The following DENND5B variants were observed in gnomAD, a reference collection of about 807,000 sequenced individuals.
The protein encoded by DENND5B is DENN domain containing 5B.
In DENND5B, 34 loss-of-function variants were observed where a neutral mutation model predicts 140.6. The ratio of observed to expected loss-of-function variants is 0.24; its 90% confidence interval spans 0.18 to 0.32. The LOEUF (loss-of-function observed/expected upper bound fraction) is 0.32, where lower values mean the gene tolerates loss of function less well. Ranked by LOEUF, DENND5B falls within the 10% of genes least tolerant of loss-of-function variation. The pLI, the probability that DENND5B is intolerant of heterozygous loss-of-function variation, is 1.00. For missense variants in DENND5B, 1,142 were observed against 1,560.2 expected (o/e 0.73, Z 4.52); for synonymous variants, 551 against 562.1 (o/e 0.98, Z 0.28).
intron 6 of DENND5B, chr12:31,444,203 T>C (rs1401874948): frequency 1.3e-5 from 2 of 152,298 alleles, no homozygotes; most frequent in Non-Finnish European, 2.9e-5. Context: ...ATTTTGTGAT[T>C]TAAGAGAAGA....
intron 1 of DENND5B, among the ~76,000 whole-genome samples, chr12:31,505,252 T>G (rs1947153626): frequency 6.6e-6 from 1 of 151,556 alleles, no homozygotes; most frequent in Non-Finnish European, 1.5e-5. Context: ...TTTTTTTTTT[T>G]TTTTGAGACA....
At chr12:31,492,938 T>C (rs1260301198) in intron 2 of DENND5B, among the ~76,000 whole-genome samples, 1 of 152,182 alleles carries the variant, frequency 6.6e-6, no homozygotes, top group African/African-American at 2.4e-5. Context: ...TTTAGGAAAA[T>C]AACCACATTG....
chr12:31,490,840 C>T (rs1946497160), intron 2 of DENND5B, among the ~76,000 whole-genome samples: 1 of 152,168 alleles, frequency 6.6e-6, no homozygotes, highest in African/African-American at 2.4e-5. Flanking sequence ...ACTCTTTGCT[C>T]TTCATTCCAC....
intron 3 of DENND5B, among the ~76,000 whole-genome samples, chr12:31,468,650 TA>T (rs78032305): frequency 2.4e-4 from 35 of 143,488 alleles, no homozygotes; most frequent in East Asian, 4.1e-4. Flanking sequence ...TTTCAAAAAA[TA>T]AAAAAAAAAA....
At chr12:31,549,815 T>C in intron 1 of DENND5B, among the ~76,000 whole-genome samples, 1 of 152,126 alleles carries the variant, frequency 6.6e-6, no homozygotes, top group East Asian at 1.9e-4. Flanking sequence ...TTTCTGCTCC[T>C]GTGTTAGTTT....
chr12:31,431,995 C>T, intron 8 of DENND5B: 4 of 927,452 alleles, frequency 4.3e-6, no homozygotes, highest in Non-Finnish European at 5.1e-6. Flanking sequence ...ACACCAAAGA[C>T]AAGATTGGGG....
chr12:31,568,910 T>C (rs1565704587), intron 1 of DENND5B, among the ~76,000 whole-genome samples: 2 of 152,130 alleles, frequency 1.3e-5, no homozygotes, highest in African/African-American at 4.8e-5. Context: ...TGAAGTGGGC[T>C]AATCTATATT....
intron 1 of DENND5B, among the ~76,000 whole-genome samples, chr12:31,510,592 C>G (rs1947373744): frequency 6.6e-6 from 1 of 152,190 alleles, no homozygotes; most frequent in South Asian, 2.1e-4. Flanking sequence ...CCCTTAGCAC[C>G]TAAGATCTCT....
intron 1 of DENND5B, among the ~76,000 whole-genome samples, chr12:31,554,489 C>T (rs1477481418): frequency 1.3e-5 from 2 of 152,092 alleles, no homozygotes; most frequent in Non-Finnish European, 2.9e-5. Context: ...CTCTGGCTGC[C>T]CTTAACATTT....
intron 4 of DENND5B, among the ~76,000 whole-genome samples, chr12:31,457,169 AC>A (rs1485027005): frequency 1.3e-5 from 2 of 152,232 alleles, no homozygotes; most frequent in African/African-American, 4.8e-5. Context: ...TTTTCTCTTA[AC>A]TTTTTGTCTA....
intron 1 of DENND5B, among the ~76,000 whole-genome samples, chr12:31,523,105 C>T (rs1462722120): frequency 6.7e-6 from 1 of 149,816 alleles, no homozygotes; most frequent in Non-Finnish European, 1.5e-5. Context: ...GTCGCCCAGG[C>T]TGGAGTGCAG....
chr12:31,431,203 A>G (rs1354043874), intron 8 of DENND5B, among the ~76,000 whole-genome samples: 1 of 152,234 alleles, frequency 6.6e-6, no homozygotes, highest in Non-Finnish European at 1.5e-5. Context: ...ATTATTCAAT[A>G]AACACTGAAC....
At chr12:31,470,398 T>C (rs1339815157) in intron 3 of DENND5B, among the ~76,000 whole-genome samples, 1 of 151,654 alleles carries the variant, frequency 6.6e-6, no homozygotes, top group African/African-American at 2.4e-5. Flanking sequence ...ACAGGCGTGA[T>C]ACACTGTGCC....
chr12:31,495,837 G>T lies in DENND5B; in HGVS notation c.210C>A (p.Asn70Lys). ...LAHYPQNIEWNPFDQDAVNML... is the reference protein window; with the variant it reads ...LAHYPQNIEWKPFDQDAVNML... Reference sequence around the variant, plus strand: ...TGTTCACCGCATCTTGATCAAAAGGGTTCCATTCTATATTCTGAGGATAGT... The same window carrying T: ...TGTTCACCGCATCTTGATCAAAAGGTTTCCATTCTATATTCTGAGGATAGT... Residue 70 changes from asparagine to lysine, a missense_variant, in exon 2 of 21, where the codon AAC becomes AAA. Asn to Lys is a moderately conservative substitution (Grantham distance 94). Around this residue, in one of 5 missense-constraint regions of DENND5B, gnomAD observed 708 missense variants for 905.5 expected, o/e 0.78. Coordinates refer to ENST00000389082, the MANE Select transcript of DENND5B (RefSeq NM_144973.4). 1 of 1,611,916 alleles carries T rather than the reference G, an allele frequency of 6.2e-7. No individual in the cohort carries two copies. The highest frequency in any genetic ancestry group is 8.5e-7 in the Non-Finnish European group (1 of 1,178,840).
At chr12:31,552,676 G>C (rs1010909051) in intron 1 of DENND5B, among the ~76,000 whole-genome samples, 1 of 152,112 alleles carries the variant, frequency 6.6e-6, no homozygotes, top group Non-Finnish European at 1.5e-5. Flanking sequence ...GGTAGAATTT[G>C]GCTGTGAATC....
At chr12:31,535,877 TATC>T (rs1293825337) in intron 1 of DENND5B, among the ~76,000 whole-genome samples, 17 of 152,118 alleles carry the variant, frequency 1.1e-4, no homozygotes, top group African/African-American at 3.4e-4. Context: ...CCCCACCAAA[TATC>T]ATGTCAAATT....
At chr12:31,404,655 T>C (rs529487908) in intron 14 of DENND5B, among the ~76,000 whole-genome samples, 15 of 151,900 alleles carry the variant, frequency 9.9e-5, no homozygotes, top group South Asian at 2.1e-4. Flanking sequence ...GGTTTTGACA[T>C]ATTGGCCAGG....
At chr12:31,403,665 AG>A (rs1941948591) in intron 14 of DENND5B, among the ~76,000 whole-genome samples, 2 of 151,032 alleles carry the variant, frequency 1.3e-5, no homozygotes, top group South Asian at 4.2e-4. Context: ...TGGGAGGCCG[AG>A]GTGGGTGGAT....
chr12:31,383,251 A>G lies in DENND5B; in HGVS notation c.*4352T>C, dbSNP rs1388377899. Reference sequence around the variant, plus strand: ...TTTCATTATGAAGAGCTACACTCCTAATGTTGTGAAATAAATATTTCCCTG... The same window carrying G: ...TTTCATTATGAAGAGCTACACTCCTGATGTTGTGAAATAAATATTTCCCTG... On this transcript the variant is annotated 3_prime_UTR_variant, in exon 21 of 21. Transcript: ENST00000389082. The G allele has an allele frequency of 6.6e-6, 1 of 152,194 alleles. No homozygotes were observed. The highest frequency in any genetic ancestry group is 1.9e-4 in the East Asian group (1 of 5,192). 9.4% of individuals were successfully genotyped at this position (152,194 alleles called of 1,614,324 possible). A position where few individuals can be genotyped will look rare whatever the true frequency, so the allele number is the denominator to read the frequency against.
Sources: gnomAD v4.1 joint callset for allele counts (sites outside exome capture counted in the v4.1 genomes callset) on GRCh38, gnomAD v4.1.1 for gene constraint, gnomAD v4.1.1 regional missense constraint, MANE v1.5 for transcripts, NCBI Gene and HGNC (gene_info 2026-07-23, HGNC 2026-07-21) for gene names.